The following PPWD1 variants were observed in gnomAD, a reference collection of about 807,000 sequenced individuals.
The protein encoded by PPWD1 is peptidylprolyl isomerase domain and WD repeat containing 1.
A neutral mutation model predicts 68.8 loss-of-function variants in PPWD1; 43 were observed. The observed-to-expected ratio is 0.62, with a 90% CI of 0.49 to 0.81. The LOEUF (loss-of-function observed/expected upper bound fraction) is 0.81, where lower values mean the gene tolerates loss of function less well. Among genes scored for constraint, PPWD1 ranks in the 30% least tolerant of loss-of-function variants. The probability of loss-of-function intolerance (pLI) is 0.00; values close to 1 mark genes in which losing one functional copy is unlikely to be tolerated. For synonymous variants in PPWD1, 232 were observed against 258.7 expected, an observed-to-expected ratio of 0.90 and a Z score of 0.99; for missense variants, 672 against 804.8, an observed-to-expected ratio of 0.83 and a Z score of 2.00.
At position 65,569,737 on chromosome 5, in the gene PPWD1, G is replaced by T. The variant is rs756917074; in HGVS notation, c.400+5G>T. The T allele has an allele frequency of 1.9e-6, 3 of 1,604,720 alleles. No homozygotes were observed. In the South Asian group the frequency reaches 3.4e-5, roughly 18 times the overall value. ...AACATTTTCGTAGTCACCTGGGTAA[G>T]AATTGCACCTCATTTTCTTGTAGCT... On this transcript the variant is annotated splice_donor_5th_base_variant and intron_variant, in intron 3 of 10. Coordinates refer to ENST00000261308, the MANE Select transcript of PPWD1 (RefSeq NM_015342.4).
In PPWD1 at chr5:65,567,569, C is replaced by A. The variant is rs550297856; in HGVS notation, c.253C>A (p.Arg85Ser). ...TCTCCCCAGTGCATCCATGTATGAG[C>A]GCAGTTACATGCATAGAGATGTTAT... ...DNLPSASMYE[R>S]SYMHRDVITH... Residue 85 changes from arginine (R) to serine (S), a missense_variant, in exon 2 of 11, where the codon CGC (arginine) becomes AGC (serine). Physicochemically the swap from Arg to Ser is moderately radical, Grantham distance 110. This residue lies in a region of PPWD1 where 188 missense variants were observed against 158.6 expected (regional missense o/e 1.19). Transcript: ENST00000261308. 1 of 1,611,464 alleles carries A rather than the reference C, an allele frequency of 6.2e-7. No individual in the cohort carries two copies. The highest frequency in any genetic ancestry group is 1.1e-5 in the South Asian group (1 of 90,858).
At chr5:65,577,272 TG>T (rs1386082122) in intron 6 of PPWD1, among the ~76,000 whole-genome samples, 3 of 152,228 alleles carry the variant, frequency 2.0e-5, no homozygotes, top group Non-Finnish European at 1.5e-5. Context: ...CACTCATGTT[TG>T]TAAAAGAAAT....
At position 65,576,978 on chromosome 5, in the gene PPWD1, A is replaced by G; in HGVS notation, c.1069A>G (p.Arg357Gly). 1 of 1,614,190 alleles carries G rather than the reference A, an allele frequency of 6.2e-7. No individual in the cohort carries two copies. Among genetic ancestry groups the G allele is most frequent in the Non-Finnish European group, 8.5e-7 (1 of 1,180,030 alleles). The change falls in exon 6 of 11, where the codon AGA (arginine) becomes GGA (glycine). Residue 357 changes from arginine to glycine, a missense_variant. Arg to Gly is a moderately radical substitution (Grantham distance 125). Transcript: ENST00000261308. ...ERELEKVDAVRLINIVFDETG... is the reference protein window; with the variant it reads ...ERELEKVDAVGLINIVFDETG... Reference sequence around the variant, plus strand: ...TGAGTTGGAGAAGGTTGATGCTGTAAGATTAATTAATATAGTTTTTGATGA... The same window carrying G: ...TGAGTTGGAGAAGGTTGATGCTGTAGGATTAATTAATATAGTTTTTGATGA...
intron 4 of PPWD1, among the ~76,000 whole-genome samples, chr5:65,570,585 CA>C (rs1021050271): frequency 2.0e-4 from 30 of 151,704 alleles, no homozygotes; most frequent in Non-Finnish European, 3.8e-4. Context: ...GATGCCATAA[CA>C]AAAAAACCAT....
At chr5:65,581,796 C>T (rs995065221) in intron 7 of PPWD1, among the ~76,000 whole-genome samples, 4 of 152,026 alleles carry the variant, frequency 2.6e-5, no homozygotes, top group East Asian at 3.9e-4. Flanking sequence ...AACATTGTTA[C>T]GAATTTTCTT....
At chr5:65,567,677 A>T (rs1037193763) in intron 2 of PPWD1, 62 bp downstream of exon 2, 1 of 1,472,134 alleles carries the variant, frequency 6.8e-7, no homozygotes, top group African/African-American at 1.4e-5. Flanking sequence ...AAAAGCTTCA[A>T]TTTTGAGGTA....
chr5:65,579,758 G>C, intron 7 of PPWD1, 145 bp downstream of exon 7: 1 of 530,786 alleles, frequency 1.9e-6, no homozygotes, highest in Non-Finnish European at 3.0e-6. Flanking sequence ...CATTAATATT[G>C]TAGAATTTTA....
At chr5:65,587,153 G>T in intron 10 of PPWD1, 100 bp from the exon 11 acceptor site, 1 of 1,266,446 alleles carries the variant, frequency 7.9e-7, no homozygotes. Flanking sequence ...ATATGCTAAA[G>T]GGGAGCGTAA....
At chr5:65,585,228 A>G (rs1753783979) in intron 9 of PPWD1, 133 bp downstream of exon 9, 2 of 848,632 alleles carry the variant, frequency 2.4e-6, no homozygotes, top group Admixed American at 5.6e-5. Context: ...ACACTATGGA[A>G]GCCAAAGGAG....
At chr5:65,565,056 C>T (rs1221576802) in intron 1 of PPWD1, among the ~76,000 whole-genome samples, 1 of 152,188 alleles carries the variant, frequency 6.6e-6, no homozygotes, top group Non-Finnish European at 1.5e-5. Context: ...TATATTGACA[C>T]CCTTACAGTG....
rs772912916 is a variant in PPWD1, at chr5:65,571,854, G to T, written c.537G>T (p.Gln179His). The T allele has an allele frequency of 5.0e-6, 8 of 1,613,612 alleles. No individual in the cohort carries two copies. In the East Asian group the frequency reaches 1.8e-4, roughly 36 times the overall value. The change falls in exon 5 of 11, where the codon CAG becomes CAT. Residue 179 changes from glutamine to histidine, a missense_variant. By Grantham distance (24) the Gln-to-His change is conservative. Around this residue, in one of 2 missense-constraint regions of PPWD1, gnomAD observed 484 missense variants for 646.2 expected, o/e 0.75. Coordinates refer to ENST00000261308, the MANE Select transcript of PPWD1 (RefSeq NM_015342.4). ...NMLKLGYFPGQCEWIYCPGDA... is the reference protein window; with the variant it reads ...NMLKLGYFPGHCEWIYCPGDA... ...ACGATTTTAGCTATTTTCCTGGACA[G>T]TGTGAGTGGATCTATTGCCCAGGGG...
In PPWD1 at chr5:65,563,517, A is replaced by C. The variant is rs765537530; in HGVS notation, c.196+11A>C. ...CCAAGAAGAGGAAAGGTAGCTGCAG[A>C]CATAGTACCGGGACGAATTGGAGTG... On this transcript the variant is annotated intron_variant, in intron 1 of 10. Transcript: ENST00000261308. 8 of 1,605,812 alleles carry C rather than the reference A, an allele frequency of 5.0e-6. No individual in the cohort carries two copies. The South Asian group carries it at 7.8e-5, about 16-fold the overall frequency.
intron 9 of PPWD1, 113 bp downstream of exon 9, chr5:65,585,208 C>A: frequency 9.3e-7 from 1 of 1,077,450 alleles, no homozygotes; most frequent in Non-Finnish European, 1.3e-6. Context: ...TGGAAAGGAA[C>A]AGGAAAAATA....
chr5:65,573,475 A>ATATT lies in PPWD1; in HGVS notation c.969+1190_969+1191insATTT, dbSNP rs1184340605. Among the ~76,000 whole-genome samples the ATATT allele has an allele frequency of 4.4e-5, 3 of 67,768 alleles. 1 individual carries two copies. The highest frequency in any genetic ancestry group is 7.9e-4 in the East Asian group (2 of 2,530). The allele number at this position is 67,768 out of a possible 152,430, so 44.5% of individuals were successfully genotyped here. A position where few individuals can be genotyped will look rare whatever the true frequency, so the allele number is the denominator to read the frequency against. ...ACTTAGCTAATATATATATATATAT[A>ATATT]TTTTTTTTTTATTAGAGATGGGTTT... On this transcript the variant is annotated intron_variant, in intron 5 of 10. Transcript: ENST00000261308.
intron 1 of PPWD1, among the ~76,000 whole-genome samples, chr5:65,566,352 A>G (rs1752756296): frequency 6.6e-6 from 1 of 152,190 alleles, no homozygotes; most frequent in Non-Finnish European, 1.5e-5. Flanking sequence ...ATTTCTCTGA[A>G]TGATTATTAA....
chr5:65,571,661 A>C, intron 4 of PPWD1, 178 bp from the exon 5 acceptor site: 1 of 737,094 alleles, frequency 1.4e-6, no homozygotes. Context: ...TCAGAAAGAG[A>C]AAAAATAAGT....
At chr5:65,583,757 C>T (rs981481371) in intron 8 of PPWD1, among the ~76,000 whole-genome samples, 7 of 152,012 alleles carry the variant, frequency 4.6e-5, no homozygotes, top group Non-Finnish European at 7.4e-5. Context: ...GAGACTAGCC[C>T]GAGCAACACG....
intron 7 of PPWD1, 148 bp downstream of exon 7, chr5:65,579,761 G>C: frequency 1.9e-6 from 1 of 522,414 alleles, no homozygotes; most frequent in Non-Finnish European, 3.1e-6. Flanking sequence ...TAATATTGTA[G>C]AATTTTAAAG....
intron 9 of PPWD1, 65 bp downstream of exon 9, chr5:65,585,160 C>A: frequency 2.8e-6 from 4 of 1,440,260 alleles, no homozygotes; most frequent in Non-Finnish European, 3.9e-6. Context: ...GAGATTTAAG[C>A]GCAAGGAATC....
Sources: gnomAD v4.1 joint callset for allele counts (sites outside exome capture counted in the v4.1 genomes callset) on GRCh38, gnomAD v4.1.1 for gene constraint, gnomAD v4.1.1 regional missense constraint, MANE v1.5 for transcripts, NCBI Gene and HGNC (gene_info 2026-07-23, HGNC 2026-07-21) for gene names.